The following NTM variants were observed in gnomAD, a reference collection of about 807,000 sequenced individuals.
The protein encoded by NTM is IgLON family member 2.
A neutral mutation model predicts 42.1 loss-of-function variants in NTM; 13 were observed. The ratio of observed to expected loss-of-function variants is 0.31; its 90% CI spans 0.20 to 0.49. NTM has a LOEUF of 0.49. NTM is among the 20% of genes least tolerant of loss of function. The pLI, the probability that NTM is intolerant of heterozygous loss-of-function variation, is 0.99. For missense variants in NTM, 373 were observed against 452.8 expected (o/e 0.82, Z 1.60); for synonymous variants, 187 against 179.2 (o/e 1.04, Z -0.35).
At chr11:131,735,348 T>G (rs903056691) in intron 1 of NTM, among the ~76,000 whole-genome samples, 1 of 152,154 alleles carries the variant, frequency 6.6e-6, no homozygotes, top group African/African-American at 2.4e-5. Flanking sequence ...AGTGCCTCCA[T>G]CGGAAACATA....
intron 1 of NTM, among the ~76,000 whole-genome samples, chr11:131,390,492 C>T (rs183486151): frequency 8.5e-5 from 13 of 152,178 alleles, no homozygotes; most frequent in African/African-American, 3.1e-4. Context: ...GAGCACTTGG[C>T]CCCTACACTT....
At chr11:131,973,464 C>T (rs1024382808) in intron 2 of NTM, among the ~76,000 whole-genome samples, 3 of 152,210 alleles carry the variant, frequency 2.0e-5, no homozygotes, top group African/African-American at 7.2e-5. Flanking sequence ...TCCTCCACTC[C>T]ACAGTGAATC....
At chr11:132,203,192 G>A (rs926344415) in intron 3 of NTM, among the ~76,000 whole-genome samples, 1 of 152,184 alleles carries the variant, frequency 6.6e-6, no homozygotes, top group African/African-American at 2.4e-5. Context: ...CACATCAGCA[G>A]GGCGTGTGGT....
intron 2 of NTM, among the ~76,000 whole-genome samples, chr11:131,937,448 G>A (rs1288083338): frequency 2.0e-5 from 3 of 152,204 alleles, no homozygotes; most frequent in African/African-American, 7.2e-5. Context: ...AGGTATTGGT[G>A]GGTGGGGGTA....
chr11:131,633,835 G>T (rs534441982), intron 1 of NTM, among the ~76,000 whole-genome samples: 1 of 144,262 alleles, frequency 6.9e-6, no homozygotes, highest in South Asian at 2.2e-4. Context: ...GCAAACAGCT[G>T]GACATAAAAC....
At chr11:131,759,849 G>A (rs2083870255) in intron 1 of NTM, among the ~76,000 whole-genome samples, 1 of 152,146 alleles carries the variant, frequency 6.6e-6, no homozygotes, top group African/African-American at 2.4e-5. Flanking sequence ...TCTTCAGGAA[G>A]GGATCCAAGT....
chr11:131,631,821 G>A (rs2063689074), intron 1 of NTM, among the ~76,000 whole-genome samples: 1 of 152,180 alleles, frequency 6.6e-6, no homozygotes. Context: ...AATGTTTTGG[G>A]ATGACATTTT....
At chr11:131,745,190 A>G (rs1184274654) in intron 1 of NTM, among the ~76,000 whole-genome samples, 1 of 152,148 alleles carries the variant, frequency 6.6e-6, no homozygotes, top group African/African-American at 2.4e-5. Context: ...GGCTTGTAAT[A>G]CTGGGGCTGT....
intron 2 of NTM, among the ~76,000 whole-genome samples, chr11:131,945,901 T>A (rs922156294): frequency 6.6e-6 from 1 of 152,216 alleles, no homozygotes; most frequent in African/African-American, 2.4e-5. Context: ...TAAGCAATCT[T>A]GTCTATTAAA....
chr11:132,070,180 A>G (rs2057318559), intron 2 of NTM, among the ~76,000 whole-genome samples: 1 of 146,584 alleles, frequency 6.8e-6, no homozygotes. Context: ...GTTAGTTAAC[A>G]CGTCACACAG....
chr11:131,982,625 G>A (rs949088598), intron 2 of NTM, among the ~76,000 whole-genome samples: 49 of 152,138 alleles, frequency 3.2e-4, no homozygotes, highest in Non-Finnish European at 5.9e-4. Flanking sequence ...TAAAATGAAA[G>A]GGGGGGCAGG....
At chr11:132,241,509 G>C (rs1430066190) in intron 4 of NTM, among the ~76,000 whole-genome samples, 1 of 152,068 alleles carries the variant, frequency 6.6e-6, no homozygotes, top group Non-Finnish European at 1.5e-5. Context: ...TCAACTAATG[G>C]GATATTTTCA....
rs1255063106 is a variant in NTM, at chr11:132,137,609, G to A, written c.168-8673G>A. Among the ~76,000 whole-genome samples, 3 of 152,190 alleles carry A rather than the reference G, an allele frequency of 2.0e-5. No homozygotes were observed. In the East Asian group the frequency reaches 5.8e-4, roughly 29 times the overall value. On this transcript the variant is annotated intron_variant, in intron 2 of 8. Transcript: ENST00000683400. ...TAATAAAGTGGATATTTATGAAGGT[G>A]CAGCCAAGGTGTAGGAAAACTGTAA...
At chr11:131,619,201 T>A (rs1010622484) in intron 1 of NTM, among the ~76,000 whole-genome samples, 1 of 152,136 alleles carries the variant, frequency 6.6e-6, no homozygotes, top group East Asian at 1.9e-4. Flanking sequence ...GGGCATTGAG[T>A]GGCAAAGCCC....
chr11:131,814,723 C>A (rs995308544), intron 1 of NTM, among the ~76,000 whole-genome samples: 21 of 152,148 alleles, frequency 1.4e-4, no homozygotes, highest in African/African-American at 5.1e-4. Context: ...TTGCGTTTTG[C>A]CTCCACTGTC....
At chr11:132,237,537 T>A (rs2139145002) in intron 4 of NTM, among the ~76,000 whole-genome samples, 1 of 152,294 alleles carries the variant, frequency 6.6e-6, no homozygotes, top group Admixed American at 6.5e-5. Context: ...TGAAGAGGTC[T>A]ACGTTTTCAG....
intron 1 of NTM, among the ~76,000 whole-genome samples, chr11:131,451,413 A>G (rs1950477179): frequency 1.3e-5 from 2 of 152,350 alleles, no homozygotes; most frequent in South Asian, 4.1e-4. Context: ...GCAGAAAATA[A>G]TGCAAAAGGA....
intron 1 of NTM, among the ~76,000 whole-genome samples, chr11:131,807,704 C>A (rs749766211): frequency 2.6e-5 from 4 of 152,138 alleles, no homozygotes; most frequent in Admixed American, 6.5e-5. Flanking sequence ...AGAGCTGGCA[C>A]CCACCACTGT....
rs974255710 is a variant in NTM at position 131,815,825 on chromosome 11, T to A, written c.83-95739T>A. On this transcript the variant is annotated intron_variant, in intron 1 of 8. Coordinates refer to ENST00000683400, the MANE Select transcript of NTM (RefSeq NM_001352005.2). ...AGGGGGATTAAGCGGCTGCCTTTAA[T>A]CTTGCTTCCTTCCGGGTGGCCGCGG... is the stretch of plus-strand genomic sequence containing the variant. 8.5e-5 allele frequency among the ~76,000 whole-genome samples: 13 copies of A among 152,300 alleles called. 1 individual carries two copies. The highest frequency in any genetic ancestry group is 3.1e-4 in the African/African-American group (13 of 41,570).
Sources: gnomAD v4.1 joint callset for allele counts (sites outside exome capture counted in the v4.1 genomes callset) on GRCh38, gnomAD v4.1.1 for gene constraint, MANE v1.5 for transcripts, NCBI Gene and HGNC (gene_info 2026-07-23, HGNC 2026-07-21) for gene names.